Variants in CLMP observed in about 807,000 individuals in gnomAD.
CLMP encodes CXADR like cell adhesion molecule, also known as CXADR-like membrane protein.
CLMP carries 27 observed loss-of-function variants against 45.2 expected under a neutral mutation model. That is an observed-to-expected ratio of 0.60 (90% CI 0.44 to 0.82). CLMP has a LOEUF of 0.82. Ranked by LOEUF, CLMP falls within the 40% of genes least tolerant of loss-of-function variation. The pLI, the probability that CLMP is intolerant of heterozygous loss-of-function variation, is 0.00. For synonymous variants in CLMP, 167 were observed against 171.4 expected (o/e 0.97, Z 0.20); for missense variants, 403 against 448.4 (o/e 0.90, Z 0.91).
In CLMP at chr11:123,152,351, G is replaced by A. The variant is rs1302724630; in HGVS notation, c.28+42562C>T. 1.4e-4 allele frequency among the ~76,000 whole-genome samples: 22 copies of A among 151,792 alleles called. No homozygotes were observed. In the East Asian group the frequency reaches 2.5e-3, roughly 17 times the overall value. ...ATCCTGGCCAACATGGTAAAACCCC[G>A]TCTCTACTAAAAATACAAAAATGTA... On this transcript the variant is annotated intron_variant, in intron 1 of 6. Coordinates refer to ENST00000448775, the MANE Select transcript of CLMP (RefSeq NM_024769.5).
At chr11:123,111,320 G>A (rs758154694) in intron 1 of CLMP, among the ~76,000 whole-genome samples, 5 of 152,042 alleles carry the variant, frequency 3.3e-5, no homozygotes, top group African/African-American at 9.7e-5. Context: ...TAGTAGAGAC[G>A]GAGTTTCACC....
chr11:123,073,761 C>A lies in CLMP; in HGVS notation c.835G>T (p.Ala279Ser). Residue 279 changes from alanine to serine, a missense_variant, in exon 7 of 7, where the codon GCT (alanine) becomes TCT (serine). Physicochemically the swap from Ala to Ser is moderately conservative, Grantham distance 99. Coordinates refer to ENST00000448775, the MANE Select transcript of CLMP (RefSeq NM_024769.5). ...GGTTTCACAAGACGGGCTTTTGGAGCTTCAGCATCTTCTCTGAAGAGAAAA... is the reference window on the plus strand; with the variant it reads ...GGTTTCACAAGACGGGCTTTTGGAGATTCAGCATCTTCTCTGAAGAGAAAA... The part of the protein sequence containing the change: ...RPNEIREDAE[A>S]PKARLVKPSS... 6.3e-7 allele frequency: 1 copy of A among 1,592,378 alleles called. No homozygotes were observed. The highest frequency in any genetic ancestry group is 8.5e-7 in the Non-Finnish European group (1 of 1,170,002).
intron 2 of CLMP, among the ~76,000 whole-genome samples, chr11:123,097,176 A>C (rs1866000583): frequency 6.6e-6 from 1 of 151,068 alleles, no homozygotes; most frequent in South Asian, 2.1e-4. Context: ...TTATTTAGAG[A>C]CAGGGTCTTG....
chr11:123,107,054 C>G (rs1339375013), intron 1 of CLMP, among the ~76,000 whole-genome samples: 1 of 149,452 alleles, frequency 6.7e-6, no homozygotes, highest in African/African-American at 2.5e-5. Context: ...AATAATTGTA[C>G]TTGCTGCATT....
In CLMP at chr11:123,118,929, T is replaced by TTTTCTTTTC. The variant is rs1565387590; in HGVS notation, c.29-20978_29-20977insGAAAAGAAA. On this transcript the variant is annotated intron_variant, in intron 1 of 6. Transcript: ENST00000448775. The stretch of plus-strand genomic sequence containing the variant: ...CAGGTGATCTTTGCATTTTCTTTTC[T>TTTTCTTTTC]TTTCTTTCTTTCTTTCTTTCTTTCT... Among the ~76,000 whole-genome samples the TTTTCTTTTC allele has an allele frequency of 2.3e-3, 227 of 99,396 alleles. 3 individuals are homozygous for TTTTCTTTTC. The highest frequency in any genetic ancestry group is 2.8e-3 in the Non-Finnish European group (141 of 49,574). 65.2% of individuals were successfully genotyped at this position (99,396 alleles called of 152,430 possible). A position where few individuals can be genotyped will look rare whatever the true frequency, so the allele number is the denominator to read the frequency against.
intron 2 of CLMP, among the ~76,000 whole-genome samples, chr11:123,085,840 G>T (rs184285508): frequency 6.7e-6 from 1 of 148,404 alleles, no homozygotes; most frequent in African/African-American, 2.5e-5. Context: ...ACAATGGTGC[G>T]ATCCTGGCTC....
intron 1 of CLMP, among the ~76,000 whole-genome samples, chr11:123,158,955 T>C (rs1315771869): frequency 6.6e-6 from 1 of 152,200 alleles, no homozygotes; most frequent in Non-Finnish European, 1.5e-5. Flanking sequence ...CTATTCTATG[T>C]CTAATGCACT....
At chr11:123,155,494 G>A (rs1180917427) in intron 1 of CLMP, among the ~76,000 whole-genome samples, 1 of 152,168 alleles carries the variant, frequency 6.6e-6, no homozygotes, top group Non-Finnish European at 1.5e-5. Context: ...TGGTACTTAC[G>A]CCCATCGTGT....
chr11:123,115,009 C>T (rs928234356), intron 1 of CLMP, among the ~76,000 whole-genome samples: 3 of 152,098 alleles, frequency 2.0e-5, no homozygotes, highest in Non-Finnish European at 2.9e-5. Context: ...CCCCTTAAAG[C>T]TTTCACCTTC....
chr11:123,083,545 A>G, intron 4 of CLMP, 135 bp downstream of exon 4: 1 of 857,598 alleles, frequency 1.2e-6, no homozygotes. Context: ...TAGTTAATGG[A>G]TTTTAAAAAT....
intron 1 of CLMP, among the ~76,000 whole-genome samples, chr11:123,180,036 C>A (rs1861748832): frequency 6.6e-6 from 1 of 152,172 alleles, no homozygotes; most frequent in African/African-American, 2.4e-5. Context: ...GAAGCAGGGG[C>A]TTAGATGGCT....
At chr11:123,147,135 AT>A (rs1204096775) in intron 1 of CLMP, among the ~76,000 whole-genome samples, 2 of 151,532 alleles carry the variant, frequency 1.3e-5, no homozygotes, top group East Asian at 3.9e-4. Context: ...TAAAAATGTC[AT>A]TTTTTTTCAA....
At chr11:123,087,380 G>A (rs1175108930) in intron 2 of CLMP, among the ~76,000 whole-genome samples, 2 of 151,246 alleles carry the variant, frequency 1.3e-5, no homozygotes, top group Non-Finnish European at 2.9e-5. Flanking sequence ...GTGGTGGTGT[G>A]CGCCTGTAAA....
At chr11:123,078,895 C>T (rs375059089) in intron 5 of CLMP, among the ~76,000 whole-genome samples, 7 of 152,102 alleles carry the variant, frequency 4.6e-5, no homozygotes, top group Admixed American at 1.3e-4. Flanking sequence ...CCACCTGCCT[C>T]GGCCTCCCAA....
chr11:123,105,929 G>T lies in CLMP; in HGVS notation c.29-7977C>A, dbSNP rs563502406. On this transcript the variant is annotated intron_variant, in intron 1 of 6. Transcript: ENST00000448775. ...CCTCCCGGGTTCCAGCGATTCTTGTGCCTCAGCCTCCCGAGTAGCTGGGAT... is the reference window on the plus strand; with the variant it reads ...CCTCCCGGGTTCCAGCGATTCTTGTTCCTCAGCCTCCCGAGTAGCTGGGAT... Among the ~76,000 whole-genome samples, 5 of 151,560 alleles carry T rather than the reference G, an allele frequency of 3.3e-5. No homozygotes were observed. The South Asian group carries it at 8.3e-4, about 25-fold the overall frequency.
chr11:123,083,381 G>T (rs1421637220), intron 4 of CLMP, among the ~76,000 whole-genome samples, 174 bp from the exon 5 acceptor site: 12 of 152,098 alleles, frequency 7.9e-5, no homozygotes, highest in Non-Finnish European at 1.5e-5. Flanking sequence ...TTTTTAAGTT[G>T]TAGCACATCC....
At chr11:123,128,200 G>T (rs954287516) in intron 1 of CLMP, among the ~76,000 whole-genome samples, 4 of 145,758 alleles carry the variant, frequency 2.7e-5, no homozygotes, top group Admixed American at 2.1e-4. Flanking sequence ...TGAAGAAAAA[G>T]ACTTTAACAA....
chr11:123,077,860 A>C (rs1482929584), intron 5 of CLMP, among the ~76,000 whole-genome samples: 1 of 152,204 alleles, frequency 6.6e-6, no homozygotes, highest in African/African-American at 2.4e-5. Flanking sequence ...TAATCTCAGC[A>C]CTTCGGGAAG....
At chr11:123,194,820 C>A in intron 1 of CLMP, 93 bp downstream of exon 1, 1 of 1,509,280 alleles carries the variant, frequency 6.6e-7, no homozygotes, top group South Asian at 1.1e-5. Flanking sequence ...CCAGGGGCTG[C>A]AGGGACACCC....
Sources: gnomAD v4.1 joint callset for allele counts (sites outside exome capture counted in the v4.1 genomes callset) on GRCh38, gnomAD v4.1.1 for gene constraint, MANE v1.5 for transcripts, NCBI Gene and HGNC (gene_info 2026-07-23, HGNC 2026-07-21) for gene names.